PTPRG: variants seen among roughly 807,000 people sequenced by gnomAD.
PTPRG encodes receptor-type tyrosine-protein phosphatase gamma.
A neutral mutation model predicts 165.3 loss-of-function variants in PTPRG; 102 were observed. The ratio of observed to expected loss-of-function variants is 0.62; its 90% CI spans 0.53 to 0.73. The LOEUF is 0.73. Ranked by LOEUF, PTPRG falls within the 30% of genes least tolerant of loss-of-function variation. The pLI, the probability that PTPRG is intolerant of heterozygous loss-of-function variation, is 0.00. For missense variants in PTPRG, 1,866 were observed against 1,861.4 expected (o/e 1.00, Z -0.05); for synonymous variants, 675 against 669.5 (o/e 1.01, Z -0.13).
rs1452989439 is a variant in PTPRG at position 62,228,347 on chromosome 3, C to G, written c.2289-2878C>G. The stretch of plus-strand genomic sequence containing the variant: ...AACAGCCTGGCCAAAATGGTGAAAC[C>G]CCGTCTACTAAAAATACAAAAACAA... On this transcript the variant is annotated intron_variant, in intron 13 of 29. Transcript: ENST00000474889. This position sits in a 1 kb window ranked among gnomAD's most constrained non-coding sequence, Gnocchi z 4.1. 2.0e-5 allele frequency among the ~76,000 whole-genome samples: 3 copies of G among 151,656 alleles called. No individual in the cohort carries two copies. Among genetic ancestry groups the G allele is most frequent in the African/African-American group, 4.8e-5 (2 of 41,254 alleles).
chr3:62,248,301 A>G (rs1312859864), intron 15 of PTPRG, among the ~76,000 whole-genome samples: 1 of 152,132 alleles, frequency 6.6e-6, no homozygotes, highest in East Asian at 1.9e-4. Flanking sequence ...TTAAACTGTG[A>G]CTTCTGCAGG....
At chr3:62,140,321 G>A (rs1419387124) in intron 6 of PTPRG, among the ~76,000 whole-genome samples, 2 of 152,260 alleles carry the variant, frequency 1.3e-5, no homozygotes, top group Admixed American at 6.5e-5. Context: ...GTGCATATGA[G>A]CCTTATTCAT....
chr3:62,231,404 G>A, intron 14 of PTPRG, 93 bp downstream of exon 14: 1 of 993,752 alleles, frequency 1.0e-6, no homozygotes, highest in Non-Finnish European at 1.4e-6. Flanking sequence ...TTGAAGTCTT[G>A]TAGATGGCAC....
At chr3:62,144,842 A>G (rs1704061631) in intron 6 of PTPRG, among the ~76,000 whole-genome samples, 1 of 152,206 alleles carries the variant, frequency 6.6e-6, no homozygotes. Flanking sequence ...CAATAATGTT[A>G]AGACGTAAAA....
intron 1 of PTPRG, among the ~76,000 whole-genome samples, chr3:61,665,723 G>A (rs1366847448): frequency 2.0e-5 from 3 of 152,130 alleles, no homozygotes; most frequent in African/African-American, 4.8e-5. Context: ...AACTACAGAG[G>A]ATGCTGAGGT....
intron 1 of PTPRG, among the ~76,000 whole-genome samples, chr3:61,652,087 G>A (rs12492426): frequency 0.99 from 150,316 of 152,202 alleles, 74,266 homozygotes; most frequent in East Asian, 1. Flanking sequence ...AGGCAGGTGG[G>A]TCACGAGATC....
chr3:61,846,406 G>A (rs2036806717), intron 2 of PTPRG, among the ~76,000 whole-genome samples: 2 of 152,092 alleles, frequency 1.3e-5, no homozygotes, highest in Non-Finnish European at 2.9e-5. Flanking sequence ...AGCCACTGGG[G>A]CAGCTCAAGA....
At chr3:62,174,918 G>A (rs1229876849) in intron 8 of PTPRG, among the ~76,000 whole-genome samples, 4 of 152,234 alleles carry the variant, frequency 2.6e-5, no homozygotes, top group Non-Finnish European at 5.9e-5. Flanking sequence ...CAGCCCCCAT[G>A]GAGAGTTTTT....
intron 2 of PTPRG, among the ~76,000 whole-genome samples, chr3:61,780,495 G>A (rs964024995): frequency 2.0e-5 from 3 of 152,114 alleles, no homozygotes; most frequent in East Asian, 1.9e-4. Flanking sequence ...CCTTGGATTC[G>A]TTCCCAATAT....
intron 1 of PTPRG, among the ~76,000 whole-genome samples, chr3:61,647,791 CAAAAA>C (rs58020589): frequency 1.7e-4 from 16 of 93,174 alleles, no homozygotes; most frequent in African/African-American, 5.7e-4. Context: ...GACTCCGTCT[CAAAAA>C]AAAAAAAAAA....
At chr3:62,154,637 T>C (rs1212823916) in intron 6 of PTPRG, among the ~76,000 whole-genome samples, 1 of 152,156 alleles carries the variant, frequency 6.6e-6, no homozygotes, top group African/African-American at 2.4e-5. Context: ...TCCTATAGTG[T>C]GTTTAGATGG....
chr3:62,120,328 G>A (rs995885913), intron 5 of PTPRG, among the ~76,000 whole-genome samples: 2 of 150,638 alleles, frequency 1.3e-5, no homozygotes, highest in African/African-American at 4.8e-5. Flanking sequence ...CATTTAGGAG[G>A]TAGAATCTTC....
chr3:61,693,599 A>C (rs1481289766), intron 1 of PTPRG, among the ~76,000 whole-genome samples: 2 of 152,176 alleles, frequency 1.3e-5, no homozygotes, highest in African/African-American at 4.8e-5. Flanking sequence ...GGCAGGCATA[A>C]TCTGCTGCAG....
At chr3:61,654,776 C>CTT (rs1355933819) in intron 1 of PTPRG, among the ~76,000 whole-genome samples, 1 of 48,482 alleles carries the variant, frequency 2.1e-5, no homozygotes, top group East Asian at 6.8e-4. Flanking sequence ...GCTACCTGTG[C>CTT]TTTTTCTTTT....
chr3:61,704,657 T>G (rs1449307195), intron 1 of PTPRG, among the ~76,000 whole-genome samples: 2 of 151,238 alleles, frequency 1.3e-5, no homozygotes, highest in East Asian at 3.9e-4. Context: ...AAACACCTGG[T>G]GGCTGTTGCC....
At chr3:62,066,864 C>A (rs1394350370) in intron 4 of PTPRG, among the ~76,000 whole-genome samples, 1 of 151,924 alleles carries the variant, frequency 6.6e-6, no homozygotes, top group African/African-American at 2.4e-5. Flanking sequence ...ATGGTGAAAC[C>A]CCCTCTCTGC....
At chr3:62,143,809 G>A (rs76362692) in intron 6 of PTPRG, among the ~76,000 whole-genome samples, 3,600 of 152,232 alleles carry the variant, frequency 0.024, 124 homozygotes, top group African/African-American at 0.077. Context: ...TGGCTCTCCA[G>A]TTTGGGAGCT....
intron 3 of PTPRG, among the ~76,000 whole-genome samples, chr3:61,995,327 A>G (rs2041004403): frequency 6.6e-6 from 1 of 151,832 alleles, no homozygotes; most frequent in African/African-American, 2.4e-5. Flanking sequence ...GGCCTCAAGC[A>G]ATCTGCCCCA....
At chr3:61,814,781 GAGGGGCTC>G (rs1553674225) in intron 2 of PTPRG, among the ~76,000 whole-genome samples, 1 of 151,012 alleles carries the variant, frequency 6.6e-6, no homozygotes, top group Non-Finnish European at 1.5e-5. Flanking sequence ...GGATGACTGG[GAGGGGCTC>G]AGGGAAATAA....
Sources: gnomAD v4.1 joint callset for allele counts (sites outside exome capture counted in the v4.1 genomes callset) on GRCh38, gnomAD v4.1.1 for gene constraint, Gnocchi (gnomAD v3.1) non-coding constraint, MANE v1.5 for transcripts, NCBI Gene and HGNC (gene_info 2026-07-23, HGNC 2026-07-21) for gene names.